The following GRM3 variants were observed in gnomAD, a reference collection of about 807,000 sequenced individuals.
The protein encoded by GRM3 is glutamate metabotropic receptor 3.
Under a neutral mutation model 70.5 loss-of-function variants are expected in GRM3, and 26 were observed. That is an observed-to-expected ratio of 0.37 (90% CI 0.27 to 0.51). The LOEUF is 0.51. GRM3 is among the 20% of genes least tolerant of loss of function. The pLI is 0.93. For missense variants in GRM3, 859 were observed against 1,123.8 expected (o/e 0.76, Z 3.37); for synonymous variants, 443 against 434.9 (o/e 1.02, Z -0.23).
At chr7:86,751,801 C>A (rs1462549314) in intron 1 of GRM3, among the ~76,000 whole-genome samples, 2 of 152,104 alleles carry the variant, frequency 1.3e-5, no homozygotes, top group African/African-American at 4.8e-5. Flanking sequence ...CACTCACTTG[C>A]AGTGAGGTAT....
intron 1 of GRM3, among the ~76,000 whole-genome samples, chr7:86,723,920 A>T (rs1163327303): frequency 6.6e-6 from 1 of 152,172 alleles, no homozygotes; most frequent in Non-Finnish European, 1.5e-5. Flanking sequence ...CCATGGTAGT[A>T]ACGAATGCAT....
At chr7:86,721,384 A>C (rs967238433) in intron 1 of GRM3, among the ~76,000 whole-genome samples, 4 of 152,136 alleles carry the variant, frequency 2.6e-5, no homozygotes, top group Admixed American at 6.6e-5. Context: ...AAAACCTGGA[A>C]ATTTTTACCC....
rs1361150592 is a variant in GRM3, at chr7:86,838,942, A to C, written c.1428A>C (p.Gly476=). 1 of 1,613,846 alleles carries C rather than the reference A, an allele frequency of 6.2e-7. No homozygotes were observed. The highest frequency in any genetic ancestry group is 2.2e-5 in the East Asian group (1 of 44,874). ...TGTTCAATTTCCAAAATGTAGGTGG[A>C]AAGTATTCCTACTTGAAAGTTGGTC... The part of the protein sequence containing the change: ...YNVFNFQNVG[G]KYSYLKVGHW... The change falls in exon 4 of 6, where the codon GGA becomes GGC. Residue 476 remains glycine (G), a synonymous_variant. Transcript: ENST00000361669.
intron 1 of GRM3, among the ~76,000 whole-genome samples, chr7:86,652,712 G>A (rs1447762156): frequency 2.6e-5 from 4 of 152,134 alleles, no homozygotes; most frequent in African/African-American, 9.7e-5. Context: ...ATTGAAAAAC[G>A]AAGAATAGTT....
Position 86,751,740 on chromosome 7 carries a change from C to T in GRM3, c.-140-13266C>T, listed in dbSNP as rs77654377. 3.9e-3 allele frequency among the ~76,000 whole-genome samples: 594 copies of T among 152,140 alleles called. 6 individuals are homozygous for T. Among genetic ancestry groups the T allele is most frequent in the Non-Finnish European group, 5.8e-3 (396 of 67,976 alleles). ...TTCTGCTTGTGTACAGAAAGGATAA[C>T]AAAGTGACTGGCTTGCTATTATAAT... On this transcript the variant is annotated intron_variant, in intron 1 of 5. Transcript: ENST00000361669.
intron 1 of GRM3, among the ~76,000 whole-genome samples, chr7:86,712,327 C>A (rs903740061): frequency 1.3e-5 from 2 of 152,002 alleles, no homozygotes; most frequent in African/African-American, 4.8e-5. Flanking sequence ...CGTTATGTCA[C>A]TTCATCACTC....
chr7:86,791,021 C>CA (rs1011117607), intron 3 of GRM3, among the ~76,000 whole-genome samples: 1 of 152,098 alleles, frequency 6.6e-6, no homozygotes, highest in Non-Finnish European at 1.5e-5. Context: ...ATAAGCTCCA[C>CA]AAAAAACAGA....
chr7:86,711,854 A>G (rs1795207384), intron 1 of GRM3, among the ~76,000 whole-genome samples: 1 of 152,012 alleles, frequency 6.6e-6, no homozygotes, highest in Admixed American at 6.6e-5. Context: ...CACTTAGGGA[A>G]CCTAGATCCA....
intron 1 of GRM3, among the ~76,000 whole-genome samples, chr7:86,651,840 C>G (rs1005551902): frequency 1.3e-5 from 2 of 152,210 alleles, no homozygotes; most frequent in Non-Finnish European, 2.9e-5. Context: ...CCACTTCCCC[C>G]AACACCCAAA....
At chr7:86,767,604 C>T (rs1303532332) in intron 2 of GRM3, among the ~76,000 whole-genome samples, 3 of 140,522 alleles carry the variant, frequency 2.1e-5, no homozygotes, top group Non-Finnish European at 3.1e-5. Context: ...ATATAGTCTG[C>T]CATACTTCAA....
At chr7:86,701,276 C>G (rs781508341) in intron 1 of GRM3, among the ~76,000 whole-genome samples, 3 of 151,718 alleles carry the variant, frequency 2.0e-5, no homozygotes, top group Non-Finnish European at 2.9e-5. Flanking sequence ...ACCTGCTAGT[C>G]TATTAAGTAA....
At chr7:86,653,490 A>G (rs1325909980) in intron 1 of GRM3, among the ~76,000 whole-genome samples, 6 of 152,234 alleles carry the variant, frequency 3.9e-5, no homozygotes, top group African/African-American at 1.4e-4. Context: ...ATTAAGCTCA[A>G]CTAATAAGGC....
intron 3 of GRM3, among the ~76,000 whole-genome samples, chr7:86,820,268 T>A (rs567259869): frequency 1.3e-5 from 2 of 152,232 alleles, no homozygotes; most frequent in South Asian, 2.1e-4. Flanking sequence ...TGTGAGTGTG[T>A]CTTTTCATGG....
At chr7:86,651,935 T>C (rs1194653381) in intron 1 of GRM3, among the ~76,000 whole-genome samples, 1 of 152,198 alleles carries the variant, frequency 6.6e-6, no homozygotes, top group Non-Finnish European at 1.5e-5. Context: ...CTAAAGAACA[T>C]ATAGTTCTAG....
At chr7:86,726,608 CA>C (rs1196458755) in intron 1 of GRM3, among the ~76,000 whole-genome samples, 1 of 152,130 alleles carries the variant, frequency 6.6e-6, no homozygotes, top group Non-Finnish European at 1.5e-5. Flanking sequence ...GACCTTTAAA[CA>C]GCCTATTTCC....
At chr7:86,850,841 C>T (rs911303601) in intron 5 of GRM3, among the ~76,000 whole-genome samples, 3 of 152,204 alleles carry the variant, frequency 2.0e-5, no homozygotes, top group South Asian at 2.1e-4. Flanking sequence ...CCTGGTCTCT[C>T]GTCCTGTTCT....
chr7:86,644,625 A>G lies in GRM3; in HGVS notation c.-388A>G. 2.2e-6 allele frequency: 1 copy of G among 451,200 alleles called. No homozygotes were observed. The allele number at this position is 451,200 out of a possible 1,614,324, so 27.9% of individuals were successfully genotyped here. On this transcript the variant is annotated 5_prime_UTR_variant, in exon 1 of 6. Coordinates refer to ENST00000361669, the MANE Select transcript of GRM3 (RefSeq NM_000840.3). ...ATGCCTGGATGTTCTGCCACCGGGC[A>G]GTGGTCCAGCGTGCAGCCGGGAGGG...
chr7:86,723,692 T>A (rs1186002725), intron 1 of GRM3, among the ~76,000 whole-genome samples: 1 of 152,272 alleles, frequency 6.6e-6, no homozygotes, highest in South Asian at 2.1e-4. Context: ...TGGTGTTGCC[T>A]GGGACACTTA....
At chr7:86,857,222 T>G (rs1432489086) in intron 5 of GRM3, among the ~76,000 whole-genome samples, 1 of 152,026 alleles carries the variant, frequency 6.6e-6, no homozygotes, top group African/African-American at 2.4e-5. Context: ...CTCGTTCATG[T>G]AGTCCCATAA....
Sources: allele counts gnomAD v4.1 joint callset (sites outside exome capture counted in the v4.1 genomes callset), GRCh38; gene constraint gnomAD v4.1.1; transcripts MANE v1.5; gene names NCBI Gene and HGNC (gene_info 2026-07-23, HGNC 2026-07-21).